FLYWCH1: variants seen among roughly 807,000 people sequenced by gnomAD.
The protein encoded by FLYWCH1 is FLYWCH-type zinc finger-containing protein 1.
Under a neutral mutation model 66.4 loss-of-function variants are expected in FLYWCH1, and 75 were observed. The ratio of observed to expected loss-of-function variants is 1.13; its 90% CI spans 0.94 to 1.37. The LOEUF (loss-of-function observed/expected upper bound fraction) is 1.37, where lower values mean the gene tolerates loss of function less well. Ranked by LOEUF, FLYWCH1 falls within the 40% of genes most tolerant of loss-of-function variation. The probability of loss-of-function intolerance (pLI) is 0.00; values close to 1 mark genes in which losing one functional copy is unlikely to be tolerated. For synonymous variants in FLYWCH1, 595 were observed against 429.9 expected (o/e 1.38, Z -4.75); for missense variants, 1,334 against 1,001.8 (o/e 1.33, Z -4.48).
chr16:2,933,050 G>A (rs2070826636), intron 4 of FLYWCH1, 80 bp from the exon 5 acceptor site: 5 of 1,270,370 alleles, frequency 3.9e-6, no homozygotes, highest in Non-Finnish European at 5.5e-6. Context: ...GCTCGTGTCA[G>A]CCCCCACAGT....
Position 2,933,135 on chromosome 16 carries a change from G to A in FLYWCH1, c.802G>A (p.Ala268Thr). 6.2e-7 allele frequency: 1 copy of A among 1,612,636 alleles called. No individual in the cohort carries two copies. Among genetic ancestry groups the A allele is most frequent in the Non-Finnish European group, 8.5e-7 (1 of 1,179,256 alleles). Residue 268 changes from alanine to threonine, a missense_variant, in exon 5 of 10, where the codon GCC becomes ACC. Coordinates refer to ENST00000253928, the MANE Select transcript of FLYWCH1 (RefSeq NM_001308068.2). ...CACTTGGGTCTCTCCTCTAGGACAG[G>A]CCCGGCCCCTCGAGTTCCTGAGGAC... Reference protein sequence around the residue: ...KKRSILGLGQARPLEFLRTCY... With the variant: ...KKRSILGLGQTRPLEFLRTCY...
intron 2 of FLYWCH1, among the ~76,000 whole-genome samples, chr16:2,923,775 C>T (rs538559344): frequency 6.6e-6 from 1 of 152,144 alleles, no homozygotes; most frequent in African/African-American, 2.4e-5. Flanking sequence ...TAGTGGCTCA[C>T]ACCTGTAATC....
chr16:2,938,450 G>A lies in FLYWCH1; in HGVS notation c.2044G>A (p.Asp682Asn). The change falls in exon 8 of 10, where the codon GAC becomes AAC. Residue 682 changes from aspartate (D) to asparagine (N), a missense_variant. Coordinates refer to ENST00000253928, the MANE Select transcript of FLYWCH1 (RefSeq NM_001308068.2). ...GCTCCCCACCACGGCCCAGCAGGAG[G>A]ACCCAGGTACAGGCAGGCTGTGGGG... Reference protein sequence around the residue: ...ERLPTTAQQEDPEKIQVQLCF... With the variant: ...ERLPTTAQQENPEKIQVQLCF... 1 of 1,524,230 alleles carries A rather than the reference G, an allele frequency of 6.6e-7. No individual in the cohort carries two copies. Among genetic ancestry groups the A allele is most frequent in the African/African-American group, 1.4e-5 (1 of 72,040 alleles). The allele number at this position is 1,524,230 out of a possible 1,614,324, so 94.4% of individuals were successfully genotyped here.
At chr16:2,930,079 A>G in intron 3 of FLYWCH1, 69 bp downstream of exon 3, 2 of 1,341,852 alleles carry the variant, frequency 1.5e-6, no homozygotes, top group Non-Finnish European at 2.1e-6. Context: ...GGCCCTGTAC[A>G]CCCTGCTTCA....
At chr16:2,945,867 G>A (rs1487415478) in intron 9 of FLYWCH1, among the ~76,000 whole-genome samples, 3 of 151,552 alleles carry the variant, frequency 2.0e-5, no homozygotes, top group Admixed American at 2.0e-4. Flanking sequence ...CGTGGTGGCA[G>A]GTGCCTGTAG....
chr16:2,932,270 C>CAAAAAAAAAA (rs71158125), intron 4 of FLYWCH1, among the ~76,000 whole-genome samples: 2 of 55,304 alleles, frequency 3.6e-5, no homozygotes, highest in African/African-American at 7.7e-5. Context: ...GACCCTGTCT[C>CAAAAAAAAAA]AAAAAAAAAA....
At chr16:2,932,947 G>T (rs551965519) in intron 4 of FLYWCH1, among the ~76,000 whole-genome samples, 183 bp from the exon 5 acceptor site, 2 of 151,554 alleles carry the variant, frequency 1.3e-5, no homozygotes, top group African/African-American at 4.8e-5. Flanking sequence ...CCTCCGGGTC[G>T]CTTGGTGGTA....
chr16:2,914,194 A>G lies in FLYWCH1; in HGVS notation c.-169A>G, dbSNP rs1010295481. On this transcript the variant is annotated 5_prime_UTR_variant, in exon 2 of 10. Transcript: ENST00000253928. ...TTCACAGGTGAAACCAGCCCAGAGA[A>G]GTTACGGGATTTGCCCCCGGGGCTC... 2 of 152,278 alleles carry G rather than the reference A, an allele frequency of 1.3e-5. No homozygotes were observed. 9.4% of individuals were successfully genotyped at this position (152,278 alleles called of 1,614,324 possible). A position where few individuals can be genotyped will look rare whatever the true frequency, so the allele number is the denominator to read the frequency against.
At chr16:2,939,882 A>G in intron 8 of FLYWCH1, 150 bp from the exon 9 acceptor site, 1 of 805,554 alleles carries the variant, frequency 1.2e-6, no homozygotes, top group Non-Finnish European at 1.9e-6. Context: ...TGGGAAGGTA[A>G]TTGATGCGTT....
At position 2,933,122 on chromosome 16, in the gene FLYWCH1, T is replaced by C. The variant is rs147737914; in HGVS notation, c.797-8T>C. The C allele has an allele frequency of 9.7e-4, 1,565 of 1,609,500 alleles. 28 individuals carry two copies. In the East Asian group the frequency reaches 0.03, roughly 31 times the overall value. On this transcript the variant is annotated splice_region_variant and splice_polypyrimidine_tract_variant and intron_variant, in intron 4 of 9. Coordinates refer to ENST00000253928, the MANE Select transcript of FLYWCH1 (RefSeq NM_001308068.2). ...CTGGTGATGTGACCACTTGGGTCTC[T>C]CCTCTAGGACAGGCCCGGCCCCTCG...
chr16:2,930,667 C>G lies in FLYWCH1; in HGVS notation c.583C>G (p.Leu195Val). The G allele has an allele frequency of 6.5e-7, 1 of 1,545,680 alleles. No homozygotes were observed. Among genetic ancestry groups the G allele is most frequent in the African/African-American group, 1.4e-5 (1 of 73,112 alleles). ...GAGGGAGAAACTGCCCAGCCTGGCC[C>G]TGCCAGAGGGCTTGGGAGAGCCCCA... ...RQREKLPSLA[L>V]PEGLGEPQGP... The change falls in exon 4 of 10, where the codon CTG (leucine) becomes GTG (valine). Residue 195 changes from leucine (L) to valine (V), a missense_variant. Leu to Val is a conservative substitution (Grantham distance 32, BLOSUM62 1). Coordinates refer to ENST00000253928, the MANE Select transcript of FLYWCH1 (RefSeq NM_001308068.2).
At chr16:2,913,473 G>T (rs1490707340) in intron 1 of FLYWCH1, among the ~76,000 whole-genome samples, 4 of 152,116 alleles carry the variant, frequency 2.6e-5, no homozygotes, top group African/African-American at 4.8e-5. Flanking sequence ...TGGAGCTGTG[G>T]CTCTTGGGCA....
At chr16:2,939,903 C>T (rs1231234007) in intron 8 of FLYWCH1, 129 bp from the exon 9 acceptor site, 20 of 1,057,796 alleles carry the variant, frequency 1.9e-5, no homozygotes, top group Non-Finnish European at 2.4e-5. Flanking sequence ...GAATTCCCAG[C>T]GTTGCTTCAC....
intron 7 of FLYWCH1, 76 bp downstream of exon 7, chr16:2,937,460 C>A (rs112326911): frequency 4.2e-6 from 6 of 1,441,394 alleles, no homozygotes; most frequent in African/African-American, 2.9e-5. Flanking sequence ...TGGAGGCTGC[C>A]CGTGGGGTGT....
intron 9 of FLYWCH1, among the ~76,000 whole-genome samples, chr16:2,946,978 G>A (rs1248342191): frequency 6.6e-6 from 1 of 152,050 alleles, no homozygotes; most frequent in East Asian, 1.9e-4. Flanking sequence ...CTATGACCCA[G>A]CAATTCCACT....
chr16:2,931,305 TA>T (rs150704073), intron 4 of FLYWCH1, among the ~76,000 whole-genome samples: 1,388 of 87,422 alleles, frequency 0.016, 11 homozygotes, highest in African/African-American at 0.025. Flanking sequence ...TCCATCTCAG[TA>T]AAAAAAAAAA....
intron 2 of FLYWCH1, among the ~76,000 whole-genome samples, chr16:2,920,904 C>T (rs558661314): frequency 1.4e-5 from 2 of 141,918 alleles, no homozygotes; most frequent in South Asian, 2.3e-4. Flanking sequence ...TGCAGTGGCG[C>T]GATCTCAGCT....
chr16:2,936,944 C>T lies in FLYWCH1; in HGVS notation c.1514-177C>T, dbSNP rs916871696. ...AGTCCCCAGCCTCAGGAGGCGGACC[C>T]CAGCAGCTGGAGCCCCAGCAGAGTT... On this transcript the variant is annotated intron_variant, in intron 6 of 9. Coordinates refer to ENST00000253928, the MANE Select transcript of FLYWCH1 (RefSeq NM_001308068.2). 4.7e-5 allele frequency: 40 copies of T among 851,938 alleles called. No homozygotes were observed. The African/African-American group carries it at 6.0e-4, about 13-fold the overall frequency. 52.8% of individuals were successfully genotyped at this position (851,938 alleles called of 1,614,324 possible). A position where few individuals can be genotyped will look rare whatever the true frequency, so the allele number is the denominator to read the frequency against.
chr16:2,933,179 C>G lies in FLYWCH1; in HGVS notation c.846C>G (p.Phe282Leu), dbSNP rs769975621. The stretch of plus-strand genomic sequence containing the variant: ...TGAGGACGTGCTACGGGGGCAGCTT[C>G]CTGGTACACGAGTCGTTCCTCTACA... The part of the protein sequence containing the change: ...EFLRTCYGGS[F>L]LVHESFLYKR... Residue 282 changes from phenylalanine to leucine, a missense_variant, in exon 5 of 10, where the codon TTC becomes TTG. Phe to Leu is a conservative substitution (Grantham distance 22). Coordinates refer to ENST00000253928, the MANE Select transcript of FLYWCH1 (RefSeq NM_001308068.2). 1 of 1,613,684 alleles carries G rather than the reference C, an allele frequency of 6.2e-7. No homozygotes were observed. Among genetic ancestry groups the G allele is most frequent in the Admixed American group, 1.7e-5 (1 of 59,968 alleles).
Sources: allele counts gnomAD v4.1 joint callset (sites outside exome capture counted in the v4.1 genomes callset), GRCh38; gene constraint gnomAD v4.1.1; transcripts MANE v1.5; gene names NCBI Gene and HGNC (gene_info 2026-07-23, HGNC 2026-07-21).